Variants in HS6ST3 observed in about 807,000 individuals in gnomAD.
HS6ST3 encodes heparan sulfate 6-O-sulfotransferase 3.
In HS6ST3, 12 loss-of-function variants were observed where a neutral mutation model predicts 36.7. The ratio of observed to expected loss-of-function variants is 0.33; its 90% confidence interval spans 0.21 to 0.53. HS6ST3 has a LOEUF of 0.53. Ranked by LOEUF, HS6ST3 falls within the 20% of genes least tolerant of loss-of-function variation. The pLI is 0.95. For missense variants in HS6ST3, 584 were observed against 640.9 expected (o/e 0.91, Z 0.96); for synonymous variants, 240 against 257.5 (o/e 0.93, Z 0.65).
chr13:96,114,908 A>G (rs1404733623), intron 1 of HS6ST3, among the ~76,000 whole-genome samples: 1 of 152,232 alleles, frequency 6.6e-6, no homozygotes, highest in African/African-American at 2.4e-5. Context: ...ACCTGTTTGT[A>G]TTAACATTCT....
At chr13:96,467,286 G>C (rs960159004) in intron 1 of HS6ST3, among the ~76,000 whole-genome samples, 1 of 152,144 alleles carries the variant, frequency 6.6e-6, no homozygotes, top group Admixed American at 6.6e-5. Flanking sequence ...ATGATAAGAA[G>C]GAGAAAGAAG....
intron 1 of HS6ST3, among the ~76,000 whole-genome samples, chr13:96,437,173 A>G (rs2055647040): frequency 6.6e-6 from 1 of 152,148 alleles, no homozygotes; most frequent in South Asian, 2.1e-4. Context: ...TTCTGCATTT[A>G]CCAACTCAAG....
At chr13:96,124,201 G>C (rs534640080) in intron 1 of HS6ST3, among the ~76,000 whole-genome samples, 1 of 152,276 alleles carries the variant, frequency 6.6e-6, no homozygotes, top group Admixed American at 6.5e-5. Context: ...CTCTCTTGAT[G>C]GCAATTTCTA....
Position 96,157,796 on chromosome 13 carries a change from A to T in HS6ST3, c.707+66227A>T, listed in dbSNP as rs375770598. On this transcript the variant is annotated intron_variant, in intron 1 of 1. Coordinates refer to ENST00000376705, the MANE Select transcript of HS6ST3 (RefSeq NM_153456.4). Reference sequence around the variant, plus strand: ...AGGACTCAAAAAGTGACTTAATATAAGTGTTATTTCGAATGCGGATTCTAT... The same window carrying T: ...AGGACTCAAAAAGTGACTTAATATATGTGTTATTTCGAATGCGGATTCTAT... Among the ~76,000 whole-genome samples, 59 of 152,332 alleles carry T rather than the reference A, an allele frequency of 3.9e-4. 2 individuals are homozygous for T. The South Asian group carries it at 0.012, about 30-fold the overall frequency.
chr13:96,410,285 TGAA>T (rs1258545924), intron 1 of HS6ST3, among the ~76,000 whole-genome samples: 2 of 152,116 alleles, frequency 1.3e-5, no homozygotes, highest in African/African-American at 4.8e-5. Context: ...AATATAATAA[TGAA>T]GTTTTTATAA....
intron 1 of HS6ST3, among the ~76,000 whole-genome samples, chr13:96,209,801 G>A (rs2054389803): frequency 6.6e-6 from 1 of 152,138 alleles, no homozygotes; most frequent in Non-Finnish European, 1.5e-5. Flanking sequence ...TTCAGATGTT[G>A]GCTCCAATGT....
intron 1 of HS6ST3, among the ~76,000 whole-genome samples, chr13:96,329,469 A>G (rs1338680875): frequency 2.0e-5 from 3 of 147,390 alleles, no homozygotes; most frequent in African/African-American, 5.2e-5. Context: ...CAGGTTGTTC[A>G]GTTTCCATGT....
intron 1 of HS6ST3, among the ~76,000 whole-genome samples, chr13:96,808,825 G>A (rs1878256119): frequency 6.6e-6 from 1 of 152,162 alleles, no homozygotes; most frequent in Non-Finnish European, 1.5e-5. Context: ...TTTTACAGGA[G>A]GCTATTACTG....
intron 1 of HS6ST3, among the ~76,000 whole-genome samples, chr13:96,530,698 C>T (rs182085414): frequency 2.6e-5 from 4 of 152,202 alleles, no homozygotes; most frequent in East Asian, 1.9e-4. Flanking sequence ...ACTTCTGATA[C>T]GTCTTTGAAA....
chr13:96,223,015 T>G (rs1214790917), intron 1 of HS6ST3, among the ~76,000 whole-genome samples: 1 of 152,226 alleles, frequency 6.6e-6, no homozygotes, highest in Non-Finnish European at 1.5e-5. Flanking sequence ...TGCATTTTGA[T>G]TTGGAAATGG....
chr13:96,766,749 T>C (rs1877127613), intron 1 of HS6ST3, among the ~76,000 whole-genome samples: 1 of 152,150 alleles, frequency 6.6e-6, no homozygotes, highest in African/African-American at 2.4e-5. Context: ...CAAAATACAA[T>C]TTATAGCTAC....
At chr13:96,829,233 C>A (rs182795189) in intron 1 of HS6ST3, among the ~76,000 whole-genome samples, 6 of 152,172 alleles carry the variant, frequency 3.9e-5, no homozygotes, top group Admixed American at 3.9e-4. Context: ...GATGTGATAA[C>A]ATCAACCTTT....
At chr13:96,594,338 C>G (rs1246609922) in intron 1 of HS6ST3, among the ~76,000 whole-genome samples, 1 of 151,968 alleles carries the variant, frequency 6.6e-6, no homozygotes, top group Non-Finnish European at 1.5e-5. Context: ...TGAGGACTTA[C>G]TACTGCCATT....
intron 1 of HS6ST3, among the ~76,000 whole-genome samples, chr13:96,434,718 C>A (rs1341856988): frequency 2.6e-5 from 4 of 152,248 alleles, no homozygotes; most frequent in Admixed American, 2.6e-4. Flanking sequence ...GGTCTCATAC[C>A]TAGATGAGAT....
chr13:96,574,133 C>T (rs189108048), intron 1 of HS6ST3: 2 of 536,744 alleles, frequency 3.7e-6, no homozygotes, highest in Non-Finnish European at 7.5e-6. Flanking sequence ...ATACGTTAGC[C>T]ATTGCATTTA....
chr13:96,419,561 T>G (rs139292891), intron 1 of HS6ST3, among the ~76,000 whole-genome samples: 117 of 152,298 alleles, frequency 7.7e-4, no homozygotes, highest in African/African-American at 2.7e-3. Flanking sequence ...ATTTGTTTTG[T>G]TTTCAAGGGC....
intron 1 of HS6ST3, among the ~76,000 whole-genome samples, chr13:96,589,356 G>A (rs2056374532): frequency 6.6e-6 from 1 of 151,898 alleles, no homozygotes; most frequent in African/African-American, 2.4e-5. Context: ...AGTCTCTTAT[G>A]ATCCTTTCTA....
chr13:96,415,405 T>C (rs2055528150), intron 1 of HS6ST3, among the ~76,000 whole-genome samples: 3 of 152,230 alleles, frequency 2.0e-5, no homozygotes, highest in South Asian at 4.1e-4. Context: ...TTCCATTATC[T>C]TCTTGCTAAG....
At position 96,696,056 on chromosome 13, in the gene HS6ST3, G is replaced by A. The variant is rs185966752; in HGVS notation, c.708-136434G>A. On this transcript the variant is annotated intron_variant, in intron 1 of 1. Transcript: ENST00000376705. ...GAGAGAGTTCAATAAATTTCTAGAT[G>A]TATCAATGAGGGTCCTACCAGAGAA... 1.8e-4 allele frequency among the ~76,000 whole-genome samples: 28 copies of A among 152,278 alleles called. 1 individual carries two copies. The East Asian group carries it at 5.0e-3, about 27-fold the overall frequency.
Sources: allele counts gnomAD v4.1 joint callset (sites outside exome capture counted in the v4.1 genomes callset), GRCh38; gene constraint gnomAD v4.1.1; transcripts MANE v1.5; gene names NCBI Gene and HGNC (gene_info 2026-07-23, HGNC 2026-07-21).